Variants in ABLIM1 observed in about 807,000 individuals in gnomAD.
The protein encoded by ABLIM1 is actin-binding LIM protein 1.
Under a neutral mutation model 107.0 loss-of-function variants are expected in ABLIM1, and 40 were observed. The ratio of observed to expected loss-of-function variants is 0.37; its 90% confidence interval spans 0.29 to 0.49. The LOEUF is 0.49. Among genes scored for constraint, ABLIM1 ranks in the 20% least tolerant of loss-of-function variants. The pLI is 0.97. For synonymous variants in ABLIM1, 357 were observed against 357.3 expected (o/e 1.00, Z 0.01); for missense variants, 857 against 1,008.5 (o/e 0.85, Z 2.04).
chr10:114,665,938 T>C (rs1003232800), intron 1 of ABLIM1, among the ~76,000 whole-genome samples: 2 of 152,252 alleles, frequency 1.3e-5, no homozygotes, highest in Non-Finnish European at 2.9e-5. Flanking sequence ...TTGGCTATTT[T>C]GGAGTTCACA....
At chr10:114,524,687 C>CA (rs1177429181) in intron 6 of ABLIM1, among the ~76,000 whole-genome samples, 1 of 152,074 alleles carries the variant, frequency 6.6e-6, no homozygotes, top group Non-Finnish European at 1.5e-5. Flanking sequence ...TAAAAAAAGA[C>CA]AAAATAGTAT....
chr10:114,434,265 C>T lies in ABLIM1; in HGVS notation c.*1995G>A, dbSNP rs2059145834. On this transcript the variant is annotated 3_prime_UTR_variant, in exon 23 of 23. Coordinates refer to ENST00000533213, the MANE Select transcript of ABLIM1 (RefSeq NM_002313.7). ...CACCCTGTCAGAGCCATTTGCTAAA[C>T]ATGTTAGTAGATCCAACACACACAC... 1 of 146,886 alleles carries T rather than the reference C, an allele frequency of 6.8e-6. No individual in the cohort carries two copies. Among genetic ancestry groups the T allele is most frequent in the African/African-American group, 2.6e-5 (1 of 38,788 alleles). The allele number at this position is 146,886 out of a possible 1,614,324, so 9.1% of individuals were successfully genotyped here.
At chr10:114,589,624 C>T (rs2074627633) in intron 2 of ABLIM1, among the ~76,000 whole-genome samples, 1 of 151,954 alleles carries the variant, frequency 6.6e-6, no homozygotes, top group Non-Finnish European at 1.5e-5. Context: ...TCCATTACAG[C>T]CTTGAGCTAC....
intron 1 of ABLIM1, among the ~76,000 whole-genome samples, chr10:114,755,509 A>G (rs961595039): frequency 6.6e-6 from 1 of 152,238 alleles, no homozygotes; most frequent in African/African-American, 2.4e-5. Flanking sequence ...TGCTTCATGC[A>G]TGTGGTGCTA....
At chr10:114,484,634 C>T (rs190380112) in intron 8 of ABLIM1, among the ~76,000 whole-genome samples, 21 of 152,266 alleles carry the variant, frequency 1.4e-4, no homozygotes, top group African/African-American at 4.6e-4. Context: ...CTGCCTGCCT[C>T]GGTCTCCCAA....
chr10:114,453,529 GAAAC>G, intron 12 of ABLIM1, 46 bp from the exon 13 acceptor site: 1 of 1,410,762 alleles, frequency 7.1e-7, no homozygotes, highest in Non-Finnish European at 9.5e-7. Context: ...AAGGGAGAGA[GAAAC>G]AAAGAAAACA....
chr10:114,559,324 C>T (rs892463666), intron 4 of ABLIM1, among the ~76,000 whole-genome samples: 4 of 150,534 alleles, frequency 2.7e-5, no homozygotes, highest in Non-Finnish European at 4.4e-5. Context: ...GATTTCTAGT[C>T]GGGTGTGGTG....
chr10:114,651,368 CAG>C (rs915506493), intron 1 of ABLIM1, among the ~76,000 whole-genome samples: 1 of 152,106 alleles, frequency 6.6e-6, no homozygotes, highest in Non-Finnish European at 1.5e-5. Flanking sequence ...TATGAAAACA[CAG>C]AGGAGGACGA....
At chr10:114,517,978 T>G (rs2063150862) in intron 6 of ABLIM1, among the ~76,000 whole-genome samples, 1 of 152,170 alleles carries the variant, frequency 6.6e-6, no homozygotes, top group African/African-American at 2.4e-5. Context: ...ACTTTTTTTT[T>G]TTGGTATTTG....
chr10:114,440,161 T>C, intron 19 of ABLIM1, 72 bp from the exon 20 acceptor site: 2 of 1,438,230 alleles, frequency 1.4e-6, no homozygotes, highest in Non-Finnish European at 2.0e-6. Flanking sequence ...TCACAGACTA[T>C]ATTATATTGA....
At chr10:114,556,389 C>G (rs1212132666) in intron 4 of ABLIM1, among the ~76,000 whole-genome samples, 2 of 152,190 alleles carry the variant, frequency 1.3e-5, no homozygotes, top group Non-Finnish European at 2.9e-5. Context: ...CACGTGGTGA[C>G]TGCTCACTTT....
intron 10 of ABLIM1, among the ~76,000 whole-genome samples, chr10:114,468,417 GGC>G (rs1207003027): frequency 7.5e-5 from 1 of 13,364 alleles, no homozygotes; most frequent in Non-Finnish European, 1.2e-4. Context: ...TGGGACTACA[GGC>G]GCCGCCACCA....
At chr10:114,562,460 C>T (rs1368104999) in intron 4 of ABLIM1, among the ~76,000 whole-genome samples, 4 of 152,240 alleles carry the variant, frequency 2.6e-5, no homozygotes, top group East Asian at 1.9e-4. Context: ...ATCCAGGAGG[C>T]GGAGCTTGCA....
chr10:114,577,841 C>T (rs1012526423), intron 2 of ABLIM1, among the ~76,000 whole-genome samples: 4 of 152,168 alleles, frequency 2.6e-5, no homozygotes, highest in Non-Finnish European at 4.4e-5. Context: ...CTCCCAGAGG[C>T]AGGTGTTCCT....
At chr10:114,613,560 T>C in intron 1 of ABLIM1, 1 of 705,992 alleles carries the variant, frequency 1.4e-6, no homozygotes, top group East Asian at 6.6e-5. Flanking sequence ...AGCTTTTCAT[T>C]CAAGTGCTTA....
rs145761599 is a variant in ABLIM1 at position 114,651,430 on chromosome 10, A to G, written c.244+6527T>C. Among the ~76,000 whole-genome samples, 651 of 152,314 alleles carry G rather than the reference A, an allele frequency of 4.3e-3. 8 individuals carry two copies. The highest frequency in any genetic ancestry group is 0.015 in the African/African-American group (614 of 41,558). ...CCAGAGGAGGAAAAGCTTAACCTGCAGCCTGCTGGGCCTCAGAGAAACTGG... is the reference window on the plus strand; with the variant it reads ...CCAGAGGAGGAAAAGCTTAACCTGCGGCCTGCTGGGCCTCAGAGAAACTGG... On this transcript the variant is annotated intron_variant, in intron 1 of 22. Transcript: ENST00000533213.
chr10:114,534,910 T>C (rs995468108), intron 6 of ABLIM1, among the ~76,000 whole-genome samples: 1 of 152,258 alleles, frequency 6.6e-6, no homozygotes, highest in African/African-American at 2.4e-5. Context: ...AAATCTTTAC[T>C]GCATGGGAAT....
At chr10:114,614,259 C>G (rs940665170) in intron 1 of ABLIM1, among the ~76,000 whole-genome samples, 1 of 151,990 alleles carries the variant, frequency 6.6e-6, no homozygotes, top group African/African-American at 2.4e-5. Context: ...CCAGGACAAC[C>G]TGGCCAACAT....
At chr10:114,753,377 G>A (rs1234684369) in intron 1 of ABLIM1, among the ~76,000 whole-genome samples, 1 of 152,046 alleles carries the variant, frequency 6.6e-6, no homozygotes, top group East Asian at 1.9e-4. Flanking sequence ...TAATACTTTC[G>A]GCTATGCTCT....
Sources: gnomAD v4.1 joint callset for allele counts (sites outside exome capture counted in the v4.1 genomes callset) on GRCh38, gnomAD v4.1.1 for gene constraint, MANE v1.5 for transcripts, NCBI Gene and HGNC (gene_info 2026-07-23, HGNC 2026-07-21) for gene names.